Variants in ATP6V1A observed in about 807,000 individuals in gnomAD.
ATP6V1A encodes ATPase H+ transporting V1 subunit A, also known as V-type proton ATPase catalytic subunit A.
ATP6V1A carries 18 observed loss-of-function variants against 70.1 expected under a neutral mutation model. The observed-to-expected ratio is 0.26, with a 90% CI of 0.18 to 0.38. ATP6V1A has a LOEUF of 0.38. Among genes scored for constraint, ATP6V1A ranks in the 10% least tolerant of loss-of-function variants. The probability of loss-of-function intolerance (pLI) is 1.00; values close to 1 mark genes in which losing one functional copy is unlikely to be tolerated. For missense variants in ATP6V1A, 424 were observed against 772.4 expected, an observed-to-expected ratio of 0.55 and a Z score of 5.35; for synonymous variants, 232 against 253.8, an observed-to-expected ratio of 0.91 and a Z score of 0.82.
chr3:113,793,456 A>T (rs930230713), intron 8 of ATP6V1A, among the ~76,000 whole-genome samples: 1 of 152,202 alleles, frequency 6.6e-6, no homozygotes, highest in African/African-American at 2.4e-5. Flanking sequence ...TGTCTGAGGC[A>T]TATTTTTCTT....
intron 1 of ATP6V1A, among the ~76,000 whole-genome samples, chr3:113,751,730 C>T (rs575552825): frequency 2.0e-5 from 3 of 150,888 alleles, no homozygotes; most frequent in East Asian, 1.9e-4. Flanking sequence ...ATATAAAGTA[C>T]GCAATGTGTG....
At chr3:113,794,046 A>G (rs1236642208) in intron 8 of ATP6V1A, among the ~76,000 whole-genome samples, 1 of 152,150 alleles carries the variant, frequency 6.6e-6, no homozygotes, top group Non-Finnish European at 1.5e-5. Context: ...TGGGAAATCA[A>G]GTTATTTTGC....
At chr3:113,760,190 T>C (rs990850631) in intron 1 of ATP6V1A, among the ~76,000 whole-genome samples, 1 of 152,248 alleles carries the variant, frequency 6.6e-6, no homozygotes, top group African/African-American at 2.4e-5. Flanking sequence ...GAATTGAAAA[T>C]GTCTGGACTT....
chr3:113,806,022 C>A (rs1709272298), intron 14 of ATP6V1A, among the ~76,000 whole-genome samples: 1 of 152,118 alleles, frequency 6.6e-6, no homozygotes, highest in South Asian at 2.1e-4. Context: ...CCTGTAATCC[C>A]AGCACTTTCA....
At chr3:113,765,764 A>C (rs929241559) in intron 1 of ATP6V1A, among the ~76,000 whole-genome samples, 1 of 147,220 alleles carries the variant, frequency 6.8e-6, no homozygotes, top group Non-Finnish European at 1.5e-5. Context: ...TAAAAATACA[A>C]AAAAAAAAAA....
In ATP6V1A at chr3:113,781,168, T is replaced by C. The variant is rs113065914; in HGVS notation, c.201T>C (p.Tyr67=). 1.0e-5 allele frequency: 16 copies of C among 1,605,090 alleles called. No homozygotes were observed. The highest frequency in any genetic ancestry group is 9.4e-5 in the African/African-American group (7 of 74,374). ...LEGDMATIQV[Y]EETSGVSVGD... The stretch of plus-strand genomic sequence containing the variant: ...GTGACATGGCTACTATTCAGGTGTA[T>C]GAAGAAACTTGTATCCTTTTTGGCT... The change falls in exon 3 of 15, where the codon TAT becomes TAC. Residue 67 remains tyrosine (Y), a synonymous_variant. Transcript: ENST00000273398.
At chr3:113,762,076 C>T (rs1350269474) in intron 1 of ATP6V1A, among the ~76,000 whole-genome samples, 1 of 129,644 alleles carries the variant, frequency 7.7e-6, no homozygotes, top group Non-Finnish European at 1.7e-5. Flanking sequence ...TGCTTGAACC[C>T]GGGAGGCAGA....
At chr3:113,789,949 A>C (rs1202538202) in intron 8 of ATP6V1A, 109 bp downstream of exon 8, 2 of 743,798 alleles carry the variant, frequency 2.7e-6, no homozygotes, top group Non-Finnish European at 4.4e-6. Context: ...ATCTCTGTAC[A>C]TATAAGCACA....
At chr3:113,766,245 A>G (rs1318907768) in intron 1 of ATP6V1A, among the ~76,000 whole-genome samples, 1 of 151,776 alleles carries the variant, frequency 6.6e-6, no homozygotes, top group Non-Finnish European at 1.5e-5. Flanking sequence ...ATCTTCTTGT[A>G]TCCTCACATG....
intron 1 of ATP6V1A, among the ~76,000 whole-genome samples, chr3:113,777,417 T>A (rs747472902): frequency 6.6e-5 from 10 of 152,184 alleles, no homozygotes; most frequent in Non-Finnish European, 1.3e-4. Context: ...CAGTTTTAAA[T>A]AAATGGACAG....
At position 113,809,484 on chromosome 3, in the gene ATP6V1A, AT is replaced by A; in HGVS notation, c.*61del. ...TTCCTCAGCAAGCTCCTATGTGTAT[AT>A]TTTCCTGAATTTCTCATCTCAAACC... On this transcript the variant is annotated 3_prime_UTR_variant, in exon 15 of 15. Coordinates refer to ENST00000273398, the MANE Select transcript of ATP6V1A (RefSeq NM_001690.4). 1.4e-6 allele frequency: 2 copies of A among 1,471,468 alleles called. No homozygotes were observed. The highest frequency in any genetic ancestry group is 1.9e-6 in the Non-Finnish European group (2 of 1,065,252). 91.2% of individuals were successfully genotyped at this position (1,471,468 alleles called of 1,614,324 possible).
chr3:113,760,592 G>A (rs1209531725), intron 1 of ATP6V1A, among the ~76,000 whole-genome samples: 1 of 150,948 alleles, frequency 6.6e-6, no homozygotes, highest in Non-Finnish European at 1.5e-5. Context: ...GCTGGGCGTG[G>A]TGGCGGGTGC....
chr3:113,804,370 G>A (rs1214658785), intron 13 of ATP6V1A, among the ~76,000 whole-genome samples: 2 of 152,042 alleles, frequency 1.3e-5, no homozygotes, highest in Non-Finnish European at 2.9e-5. Context: ...CATTTCCCAA[G>A]AGTCCTATTG....
At chr3:113,764,188 G>T (rs1169552832) in intron 1 of ATP6V1A, among the ~76,000 whole-genome samples, 4 of 151,732 alleles carry the variant, frequency 2.6e-5, no homozygotes, top group African/African-American at 9.7e-5. Flanking sequence ...AGCCTTGATC[G>T]CACCACTGTA....
At chr3:113,785,592 T>G (rs926132748) in intron 5 of ATP6V1A, among the ~76,000 whole-genome samples, 1 of 142,332 alleles carries the variant, frequency 7.0e-6, no homozygotes, top group African/African-American at 2.6e-5. Context: ...CACTGTAGCC[T>G]CAACCTGCTG....
chr3:113,749,330 C>G (rs1559746161), intron 1 of ATP6V1A, among the ~76,000 whole-genome samples: 1 of 151,242 alleles, frequency 6.6e-6, no homozygotes. Flanking sequence ...GAAAACATTT[C>G]TGAGACTAGC....
intron 1 of ATP6V1A, among the ~76,000 whole-genome samples, chr3:113,764,496 T>C (rs958654141): frequency 7.9e-5 from 12 of 152,190 alleles, no homozygotes; most frequent in African/African-American, 2.7e-4. Flanking sequence ...AATGGTGAGA[T>C]CTTTCATTAG....
At chr3:113,751,588 G>A (rs1281978977) in intron 1 of ATP6V1A, among the ~76,000 whole-genome samples, 1 of 151,666 alleles carries the variant, frequency 6.6e-6, no homozygotes, top group Non-Finnish European at 1.5e-5. Flanking sequence ...TTTCTGAAGA[G>A]AATATTAGTT....
chr3:113,780,842 T>G, intron 2 of ATP6V1A: 2 of 1,342,732 alleles, frequency 1.5e-6, no homozygotes, highest in Non-Finnish European at 2.0e-6. Flanking sequence ...ATTATGTAAA[T>G]AAATAATCTT....
Sources: gnomAD v4.1 joint callset for allele counts (sites outside exome capture counted in the v4.1 genomes callset) on GRCh38, gnomAD v4.1.1 for gene constraint, MANE v1.5 for transcripts, NCBI Gene and HGNC (gene_info 2026-07-23, HGNC 2026-07-21) for gene names.